SYNE1: variants seen among roughly 807,000 people sequenced by gnomAD.
SYNE1 encodes the protein spectrin repeat containing nuclear envelope protein 1, also known as nesprin-1.
Under a neutral mutation model 1,111.0 loss-of-function variants are expected in SYNE1, and 616 were observed. The observed-to-expected ratio is 0.55, with a 90% confidence interval of 0.52 to 0.59. SYNE1 has a LOEUF of 0.59. Among genes scored for constraint, SYNE1 ranks in the 20% least tolerant of loss-of-function variants. The probability of loss-of-function intolerance (pLI) is 0.00; values close to 1 mark genes in which losing one functional copy is unlikely to be tolerated. For synonymous variants in SYNE1, 3,855 were observed against 3,825.8 expected (o/e 1.01, Z -0.28); for missense variants, 10,006 against 10,417.0 (o/e 0.96, Z 1.72).
chr6:152,293,755 C>A lies in SYNE1; in HGVS notation c.17851-6G>T. 6.2e-7 allele frequency: 1 copy of A among 1,614,074 alleles called. No homozygotes were observed. The highest frequency in any genetic ancestry group is 8.5e-7 in the Non-Finnish European group (1 of 1,180,036). ...GTGCGCTGCTTCTCACTGATCTACA[C>A]CAGAAAAGGGATATTACCAAATGCT... On this transcript the variant is annotated splice_polypyrimidine_tract_variant and splice_region_variant and intron_variant, in intron 94 of 145. Coordinates refer to ENST00000367255, the MANE Select transcript of SYNE1 (RefSeq NM_182961.4).
chr6:152,132,104 C>T lies in SYNE1; in HGVS notation c.26094+18G>A, dbSNP rs371993621. On this transcript the variant is annotated intron_variant, in intron 144 of 145. Transcript: ENST00000367255. ...TTCACTCCCATGGGCCAACTGAAAA[C>T]GACCAGTGGAAAGTTACCGTTTTCT... 2.6e-5 allele frequency: 42 copies of T among 1,612,376 alleles called. No homozygotes were observed. Among genetic ancestry groups the T allele is most frequent in the African/African-American group, 2.0e-4 (15 of 74,878 alleles).
At chr6:152,286,312 T>A (rs1328687238) in intron 95 of SYNE1, among the ~76,000 whole-genome samples, 1 of 152,154 alleles carries the variant, frequency 6.6e-6, no homozygotes, top group Non-Finnish European at 1.5e-5. Context: ...TCCTCAAAAA[T>A]CACCACTGTG....
intron 74 of SYNE1, 69 bp downstream of exon 74, chr6:152,344,012 A>G: frequency 6.2e-7 from 1 of 1,601,816 alleles, no homozygotes; most frequent in South Asian, 1.1e-5. Context: ...CATCATAGGT[A>G]CTTCACACAT....
At chr6:152,561,191 G>A (rs917574754) in intron 3 of SYNE1, among the ~76,000 whole-genome samples, 9 of 151,936 alleles carry the variant, frequency 5.9e-5, no homozygotes, top group African/African-American at 1.9e-4. Context: ...CAAAAAAATG[G>A]TTATAACTGA....
At chr6:152,508,417 C>T (rs572945712) in intron 8 of SYNE1, among the ~76,000 whole-genome samples, 24 of 152,328 alleles carry the variant, frequency 1.6e-4, no homozygotes, top group Admixed American at 3.9e-4. Context: ...TTTGAGCTGT[C>T]ACCAGACTCT....
chr6:152,324,723 C>A (rs2096006545), intron 81 of SYNE1, among the ~76,000 whole-genome samples: 2 of 152,124 alleles, frequency 1.3e-5, no homozygotes, highest in South Asian at 4.1e-4. Flanking sequence ...ATGGCGTGAA[C>A]CCGGGAGGCG....
intron 39 of SYNE1, among the ~76,000 whole-genome samples, chr6:152,423,068 C>T (rs2098292483): frequency 6.6e-6 from 1 of 152,200 alleles, no homozygotes; most frequent in Non-Finnish European, 1.5e-5. Context: ...GAAAGATGAA[C>T]TGAGAGTCAA....
intron 59 of SYNE1, among the ~76,000 whole-genome samples, chr6:152,372,742 T>C (rs2097210487): frequency 6.6e-6 from 1 of 152,206 alleles, no homozygotes; most frequent in Admixed American, 6.5e-5. Context: ...ACAGTTCACA[T>C]GAAAGGCTAA....
intron 3 of SYNE1, among the ~76,000 whole-genome samples, chr6:152,585,546 G>C (rs762254716): frequency 9.9e-5 from 15 of 152,026 alleles, no homozygotes; most frequent in Non-Finnish European, 1.9e-4. Context: ...AAAGACCTTT[G>C]TCTATTACAA....
intron 91 of SYNE1, among the ~76,000 whole-genome samples, chr6:152,306,067 G>A (rs547812234): frequency 6.6e-6 from 1 of 152,070 alleles, no homozygotes; most frequent in African/African-American, 2.4e-5. Context: ...GAAAAATCAC[G>A]GAATTTGGAC....
intron 2 of SYNE1, among the ~76,000 whole-genome samples, chr6:152,628,961 G>A (rs979648802): frequency 1.4e-4 from 21 of 152,056 alleles, no homozygotes; most frequent in Admixed American, 2.6e-4. Context: ...GCTCTGTTGC[G>A]TTGTACTCTT....
chr6:152,163,267 G>A (rs1476784961), intron 131 of SYNE1, among the ~76,000 whole-genome samples: 1 of 152,152 alleles, frequency 6.6e-6, no homozygotes, highest in Non-Finnish European at 1.5e-5. Context: ...TGAGGCCGAG[G>A]GTGGGCAGAT....
At chr6:152,632,849 C>A (rs955850414) in intron 2 of SYNE1, among the ~76,000 whole-genome samples, 10 of 152,126 alleles carry the variant, frequency 6.6e-5, no homozygotes, top group African/African-American at 2.4e-4. Context: ...AGCAGAGTTT[C>A]AGCAAATACT....
intron 95 of SYNE1, among the ~76,000 whole-genome samples, chr6:152,287,207 C>T (rs1199286565): frequency 6.6e-6 from 1 of 152,056 alleles, no homozygotes; most frequent in Non-Finnish European, 1.5e-5. Context: ...AATAACTTCA[C>T]ATTTAGATCT....
intron 4 of SYNE1, among the ~76,000 whole-genome samples, chr6:152,536,389 T>G (rs369565213): frequency 4.7e-5 from 4 of 84,942 alleles, no homozygotes; most frequent in Non-Finnish European, 1.2e-4. Context: ...TATATATATA[T>G]TTATATATAT....
At position 152,511,073 on chromosome 6, in the gene SYNE1, T is replaced by C. The variant is rs752965829; in HGVS notation, c.340A>G (p.Ile114Val). Residue 114 changes from isoleucine (I) to valine (V), a missense_variant, in exon 7 of 146, where the codon ATA (isoleucine) becomes GTA (valine). Coordinates refer to ENST00000367255, the MANE Select transcript of SYNE1 (RefSeq NM_182961.4). ...IKLVNINSTD[I>V]ADGRPSIVLG... is the part of the protein sequence containing the mutation. ...ACTATTGAGGGTCGGCCATCAGCTA[T>C]ATCGGTGGAGTTAATGTTGACTAAT... The C allele has an allele frequency of 1.2e-6, 2 of 1,614,066 alleles. No homozygotes were observed. The highest frequency in any genetic ancestry group is 8.5e-7 in the Non-Finnish European group (1 of 1,179,918).
At chr6:152,157,530 T>G (rs768337795) in intron 131 of SYNE1, among the ~76,000 whole-genome samples, 3 of 152,180 alleles carry the variant, frequency 2.0e-5, no homozygotes, top group Non-Finnish European at 4.4e-5. Flanking sequence ...TTAACAACAA[T>G]GTACTGCATA....
At chr6:152,441,951 G>A in intron 31 of SYNE1, 124 bp downstream of exon 31, 1 of 1,192,894 alleles carries the variant, frequency 8.4e-7, no homozygotes, top group Admixed American at 1.7e-5. Context: ...TTCATGTACA[G>A]AATTTAACAC....
intron 18 of SYNE1, chr6:152,464,923 A>T: frequency 2.7e-6 from 1 of 373,488 alleles, no homozygotes. Flanking sequence ...TATGTGTTTC[A>T]GCACTACGTG....
Sources: allele counts gnomAD v4.1 joint callset (sites outside exome capture counted in the v4.1 genomes callset), GRCh38; gene constraint gnomAD v4.1.1; transcripts MANE v1.5; gene names NCBI Gene and HGNC (gene_info 2026-07-23, HGNC 2026-07-21).